ACRBP: variants seen among roughly 807,000 people sequenced by gnomAD.
The protein encoded by ACRBP is acrosin-binding protein.
In ACRBP, 52 loss-of-function variants were observed where a neutral mutation model predicts 69.0. The observed-to-expected ratio is 0.75, with a 90% confidence interval of 0.60 to 0.95. ACRBP has a LOEUF of 0.95. Among genes scored for constraint, ACRBP ranks in the 40% least tolerant of loss-of-function variants. The pLI is 0.00. For synonymous variants in ACRBP, 267 were observed against 258.9 expected (o/e 1.03, Z -0.30); for missense variants, 604 against 673.0 (o/e 0.90, Z 1.13).
intron 3 of ACRBP, among the ~76,000 whole-genome samples, chr12:6,645,660 T>TG (rs1453506639): frequency 2.7e-4 from 7 of 25,556 alleles, no homozygotes; most frequent in African/African-American, 8.2e-4. Context: ...TGGGTTTGTT[T>TG]TTTTTGTTTT....
rs1949045973 is a variant in ACRBP at position 6,640,621 on chromosome 12, A to G, written c.1078-99T>C. 4 of 1,330,812 alleles carry G rather than the reference A, an allele frequency of 3.0e-6. No homozygotes were observed. The African/African-American group carries it at 5.8e-5, about 19-fold the overall frequency. 82.4% of individuals were successfully genotyped at this position (1,330,812 alleles called of 1,614,324 possible). A position where few individuals can be genotyped will look rare whatever the true frequency, so the allele number is the denominator to read the frequency against. ...GGTGGGCCCTGCAGAATGTCTTTGC[A>G]TTTAGCCTCTTCCAAAAGCTTCTCT... is the stretch of plus-strand genomic sequence containing the variant. On this transcript the variant is annotated intron_variant, in intron 6 of 9. Coordinates refer to ENST00000229243, the MANE Select transcript of ACRBP (RefSeq NM_032489.3). The surrounding 1 kb of genome is among the most constrained non-coding windows in gnomAD (Gnocchi z 5.3).
At chr12:6,641,968 C>T (rs1443106335) in intron 6 of ACRBP, among the ~76,000 whole-genome samples, 1 of 152,218 alleles carries the variant, frequency 6.6e-6, no homozygotes, top group East Asian at 1.9e-4. Flanking sequence ...TTCTACCAAG[C>T]CCCTTCTTTT....
At position 6,644,650 on chromosome 12, in the gene ACRBP, T is replaced by C. The variant is rs377622430; in HGVS notation, c.476-45A>G. On this transcript the variant is annotated intron_variant, in intron 4 of 9. Transcript: ENST00000229243. Reference sequence around the variant, plus strand: ...GAAGGGAGAGAGACAGTCAGGCTTCTAGCCCCTGAGTGTCTTTGTTCACAG... The same window carrying C: ...GAAGGGAGAGAGACAGTCAGGCTTCCAGCCCCTGAGTGTCTTTGTTCACAG... 3.4e-5 allele frequency: 53 copies of C among 1,555,280 alleles called. No individual in the cohort carries two copies. In the Middle Eastern group the frequency reaches 5.6e-4, roughly 17 times the overall value.
rs947314411 is a variant in ACRBP, at chr12:6,640,832, A to G, written c.1078-310T>C. Among the ~76,000 whole-genome samples the G allele has an allele frequency of 1.5e-4, 23 of 152,190 alleles. No individual in the cohort carries two copies. Among genetic ancestry groups the G allele is most frequent in the African/African-American group, 5.6e-4 (23 of 41,432 alleles). Reference sequence around the variant, plus strand: ...AAATCCTCATTGCCAAGTGCCTGACAGATGTCTGTGATTGGGTGATCTTAC... The same window carrying G: ...AAATCCTCATTGCCAAGTGCCTGACGGATGTCTGTGATTGGGTGATCTTAC... On this transcript the variant is annotated intron_variant, in intron 6 of 9. Coordinates refer to ENST00000229243, the MANE Select transcript of ACRBP (RefSeq NM_032489.3). This position sits in a 1 kb window ranked among gnomAD's most constrained non-coding sequence, Gnocchi z 5.3.
At chr12:6,642,220 A>T (rs1296377025) in intron 6 of ACRBP, among the ~76,000 whole-genome samples, 1 of 152,094 alleles carries the variant, frequency 6.6e-6, no homozygotes, top group Non-Finnish European at 1.5e-5. Flanking sequence ...TACTGCTAAC[A>T]TCTTAAATAT....
chr12:6,646,939 A>G lies in ACRBP; in HGVS notation c.117T>C (p.Ser39=), dbSNP rs1228958155. 5.0e-6 allele frequency: 8 copies of G among 1,613,680 alleles called. No individual in the cohort carries two copies. The highest frequency in any genetic ancestry group is 6.8e-6 in the Non-Finnish European group (8 of 1,180,002). Residue 39 remains serine (S), a synonymous_variant, in exon 2 of 10, where the codon TCT becomes TCC. Transcript: ENST00000229243. ...CGAAGAAGCGTTCGTATTCGGTAGGAGAGAGAGGGCTGCCTGGAGTGGAGG... is the reference window on the plus strand; with the variant it reads ...CGAAGAAGCGTTCGTATTCGGTAGGGGAGAGAGGGCTGCCTGGAGTGGAGG... The part of the protein sequence containing the change: ...TQASTPGSPL[S]PTEYERFFAL...
intron 3 of ACRBP, among the ~76,000 whole-genome samples, chr12:6,645,692 A>C (rs1346146266): frequency 1.5e-5 from 2 of 131,612 alleles, no homozygotes; most frequent in Admixed American, 8.6e-5. Context: ...ACGGAGTCTC[A>C]CTCTGTCACC....
chr12:6,647,185 T>A, intron 1 of ACRBP, 139 bp downstream of exon 1: 1 of 1,148,634 alleles, frequency 8.7e-7, no homozygotes, highest in Non-Finnish European at 1.3e-6. Flanking sequence ...CGGGGGGAGA[T>A]GGGAGTATCC....
chr12:6,645,373 T>C lies in ACRBP; in HGVS notation c.358-36A>G, dbSNP rs762768769. 10 of 1,514,084 alleles carry C rather than the reference T, an allele frequency of 6.6e-6. No individual in the cohort carries two copies. The Admixed American group carries it at 1.2e-4, about 18-fold the overall frequency. The allele number at this position is 1,514,084 out of a possible 1,614,324, so 93.8% of individuals were successfully genotyped here. ...AGAAGGAAAATGGGAAAGCCTTTCC[T>C]AAAGGGCAGACTTCTGCTCCAGCTG... On this transcript the variant is annotated intron_variant, in intron 3 of 9. Transcript: ENST00000229243.
chr12:6,646,843 G>A lies in ACRBP; in HGVS notation c.213C>T (p.Pro71=). The change falls in exon 2 of 10, where the codon CCC becomes CCT. Residue 71 remains proline (P), a synonymous_variant. Coordinates refer to ENST00000229243, the MANE Select transcript of ACRBP (RefSeq NM_032489.3). ...CATATTGGTCCAGCTGGACGAGTGT[G>A]GGATTCCGGCAGCCGTGGGTTGCAC... ...RLRATHGCRN[P]TLVQLDQYEN... is the part of the protein sequence containing the mutation. 1 of 1,614,148 alleles carries A rather than the reference G, an allele frequency of 6.2e-7. No homozygotes were observed. Among genetic ancestry groups the A allele is most frequent in the Non-Finnish European group, 8.5e-7 (1 of 1,180,028 alleles).
In ACRBP at chr12:6,646,900, T is replaced by G. The variant is rs907807595; in HGVS notation, c.156A>C (p.Pro52=). The change falls in exon 2 of 10, where the codon CCA becomes CCC. Residue 52 remains proline (P), a synonymous_variant. Transcript: ENST00000229243. The stretch of plus-strand genomic sequence containing the variant: ...GGCAGGTAGTCTCTGCCTTCCAGGT[T>G]GGAGTCAGCAGTGCGAAGAAGCGTT... The part of the protein sequence containing the change: ...EYERFFALLT[P]TWKAETTCRL... The G allele has an allele frequency of 3.1e-6, 5 of 1,614,066 alleles. No individual in the cohort carries two copies. The highest frequency in any genetic ancestry group is 4.2e-6 in the Non-Finnish European group (5 of 1,179,996).
chr12:6,645,282 A>G lies in ACRBP; in HGVS notation c.413T>C (p.Ile138Thr), dbSNP rs1185315732. Residue 138 changes from isoleucine to threonine, a missense_variant, in exon 4 of 10, where the codon ATA becomes ACA. Around this residue, in one of 3 missense-constraint regions of ACRBP, gnomAD observed 532 missense variants for 562.9 expected, o/e 0.95. Coordinates refer to ENST00000229243, the MANE Select transcript of ACRBP (RefSeq NM_032489.3). ...GGGTGAGACTTCAGCTGAAGCTTCT[A>G]TCTCCTTGAGAGTGTTAGGTGAGAG... ...SILSPNTLKE[I>T]EASAEVSPTT... The G allele has an allele frequency of 6.2e-7, 1 of 1,613,700 alleles. No homozygotes were observed. Among genetic ancestry groups the G allele is most frequent in the Non-Finnish European group, 8.5e-7 (1 of 1,179,922 alleles).
chr12:6,644,228 T>C lies in ACRBP; in HGVS notation c.853A>G (p.Ile285Val). The C allele has an allele frequency of 6.2e-7, 1 of 1,614,068 alleles. No homozygotes were observed. Among genetic ancestry groups the C allele is most frequent in the South Asian group, 1.1e-5 (1 of 91,080 alleles). ...TGGGCTGATCGAATGAGCTCCTGGA[T>C]GTTCTCCATTATCATAGGAGTAGAC... is the stretch of plus-strand genomic sequence containing the variant. The part of the protein sequence containing the change: ...VESTPMIMEN[I>V]QELIRSAQEI... The change falls in exon 5 of 10, where the codon ATC becomes GTC. Residue 285 changes from isoleucine (I) to valine (V), a missense_variant. Ile to Val is a conservative substitution (Grantham distance 29). This residue lies in a region of ACRBP where 532 missense variants were observed against 562.9 expected (regional missense o/e 0.95). Transcript: ENST00000229243.
At chr12:6,646,650 C>T (rs1949091769) in intron 2 of ACRBP, 73 bp from the exon 3 acceptor site, 3 of 1,518,036 alleles carry the variant, frequency 2.0e-6, no homozygotes, top group Admixed American at 3.4e-5. Context: ...ATGGACTCCA[C>T]GCCATGGGGA....
chr12:6,646,558 G>A lies in ACRBP; in HGVS notation c.282C>T (p.Leu94=), dbSNP rs1217093829. ...LVPDGAVCSN[L]PYASWFESFC... is the part of the protein sequence containing the mutation. ...AAGACTCAAACCAGGAGGCATAAGG[G>A]AGGTTGGAGCAGACAGCACCTGAGA... Residue 94 remains leucine, a synonymous_variant, in exon 3 of 10, where the codon CTC becomes CTT. Coordinates refer to ENST00000229243, the MANE Select transcript of ACRBP (RefSeq NM_032489.3). 8 of 1,614,016 alleles carry A rather than the reference G, an allele frequency of 5.0e-6. No homozygotes were observed. The East Asian group carries it at 6.7e-5, about 13-fold the overall frequency.
intron 8 of ACRBP, 128 bp downstream of exon 8, chr12:6,639,932 G>A (rs1035859003): frequency 1.1e-5 from 13 of 1,159,712 alleles, no homozygotes; most frequent in African/African-American, 1.6e-5. Context: ...AGGAGATTCA[G>A]TGAGGACGGG....
At position 6,645,308 on chromosome 12, in the gene ACRBP, A is replaced by G; in HGVS notation, c.387T>C (p.Ile129=). Reference sequence around the variant, plus strand: ...TCTCCTTGAGAGTGTTAGGTGAGAGAATAGAGACTGGCTGGGAACACAGGA... The same window carrying G: ...TCTCCTTGAGAGTGTTAGGTGAGAGGATAGAGACTGGCTGGGAACACAGGA... ...KRVLCSQPVS[I]LSPNTLKEIE... Residue 129 remains isoleucine, a synonymous_variant, in exon 4 of 10, where the codon ATT becomes ATC. Coordinates refer to ENST00000229243, the MANE Select transcript of ACRBP (RefSeq NM_032489.3). 1 of 1,613,696 alleles carries G rather than the reference A, an allele frequency of 6.2e-7. No individual in the cohort carries two copies. Among genetic ancestry groups the G allele is most frequent in the Non-Finnish European group, 8.5e-7 (1 of 1,179,834 alleles).
intron 8 of ACRBP, 135 bp downstream of exon 8, chr12:6,639,925 A>C: frequency 9.7e-7 from 1 of 1,027,076 alleles, no homozygotes; most frequent in South Asian, 1.7e-5. Context: ...GAGAGGCAGG[A>C]GATTCAGTGA....
At chr12:6,641,345 G>A (rs936204796) in intron 6 of ACRBP, among the ~76,000 whole-genome samples, 7 of 152,218 alleles carry the variant, frequency 4.6e-5, no homozygotes, top group Admixed American at 2.0e-4. Flanking sequence ...CACAGTGCAT[G>A]CAATCTCCTA....
Sources: allele counts gnomAD v4.1 joint callset (sites outside exome capture counted in the v4.1 genomes callset), GRCh38; gene constraint gnomAD v4.1.1; regional missense constraint gnomAD v4.1.1; non-coding constraint Gnocchi (gnomAD v3.1); transcripts MANE v1.5; gene names NCBI Gene and HGNC (gene_info 2026-07-23, HGNC 2026-07-21).